The following NCK2 variants were observed in gnomAD, a reference collection of about 807,000 sequenced individuals.
NCK2 encodes the protein NCK adaptor protein 2, also known as cytoplasmic protein NCK2.
In NCK2, 16 loss-of-function variants were observed where a neutral mutation model predicts 33.9. The ratio of observed to expected loss-of-function variants is 0.47; its 90% confidence interval spans 0.32 to 0.72. NCK2 has a LOEUF of 0.72. Among genes scored for constraint, NCK2 ranks in the 30% least tolerant of loss-of-function variants. The pLI, the probability that NCK2 is intolerant of heterozygous loss-of-function variation, is 0.03. For missense variants in NCK2, 418 were observed against 537.3 expected (o/e 0.78, Z 2.19); for synonymous variants, 273 against 239.9 (o/e 1.14, Z -1.27).
chr2:105,753,592 C>G (rs1240808934), intron 1 of NCK2, among the ~76,000 whole-genome samples: 1 of 152,212 alleles, frequency 6.6e-6, no homozygotes, highest in Non-Finnish European at 1.5e-5. Context: ...TGGGTCCCCA[C>G]CCTTGTCTCC....
chr2:105,797,658 C>A (rs1449888024), intron 1 of NCK2, among the ~76,000 whole-genome samples: 1 of 152,128 alleles, frequency 6.6e-6, no homozygotes, highest in Non-Finnish European at 1.5e-5. Flanking sequence ...CAGGAAGTGG[C>A]TGGATTTGCA....
chr2:105,744,865 T>TCGCCGCCGCCGCCGCCGCCGCCGCCGC (rs1170930281), upstream of NCK2: 26 of 153,300 alleles, frequency 1.7e-4, no homozygotes, highest in South Asian at 2.4e-3. Flanking sequence ...CGGGGGAGGG[T>TCGCCGCCGCCGCCGCCGCCGCCGCCGC]CGCCGCCGCC....
intron 1 of NCK2, among the ~76,000 whole-genome samples, chr2:105,771,438 C>T (rs900789952): frequency 6.6e-6 from 1 of 151,828 alleles, no homozygotes; most frequent in Admixed American, 6.6e-5. Context: ...GTGGTGAGGG[C>T]GCCTGTAATC....
At chr2:105,887,294 G>A (rs1422003811) in intron 4 of NCK2, among the ~76,000 whole-genome samples, 1 of 152,236 alleles carries the variant, frequency 6.6e-6, no homozygotes, top group African/African-American at 2.4e-5. Context: ...AACCACTTCT[G>A]TGGACAGAAG....
In NCK2 at chr2:105,815,468, G is replaced by A. The variant is rs570104396; in HGVS notation, c.-200-962G>A. 2.0e-5 allele frequency among the ~76,000 whole-genome samples: 3 copies of A among 152,308 alleles called. No individual in the cohort carries two copies. In the South Asian group the frequency reaches 6.2e-4, roughly 32 times the overall value. On this transcript the variant is annotated intron_variant, in intron 1 of 4. Coordinates refer to ENST00000233154, the MANE Select transcript of NCK2 (RefSeq NM_003581.5). ...AACTGTCAAGACAGATCCCCATTGG[G>A]TTTGAAATGTAATTAAAAATGTCAG... is the stretch of plus-strand genomic sequence containing the variant.
intron 2 of NCK2, among the ~76,000 whole-genome samples, chr2:105,820,842 G>A (rs919718416): frequency 6.6e-6 from 1 of 152,184 alleles, no homozygotes. Flanking sequence ...GGTGTAGTGG[G>A]ATAGGAAGGA....
At chr2:105,748,986 G>T (rs1689372143) in intron 1 of NCK2, among the ~76,000 whole-genome samples, 1 of 152,154 alleles carries the variant, frequency 6.6e-6, no homozygotes, top group African/African-American at 2.4e-5. Flanking sequence ...AATTTGGTCT[G>T]TTGGCCTCTC....
intron 2 of NCK2, chr2:105,853,986 CAA>C (rs1204031624): frequency 1.3e-5 from 2 of 151,974 alleles, no homozygotes; most frequent in Non-Finnish European, 2.9e-5. Context: ...GAGAGTCTTG[CAA>C]AAATTGGGCA....
intron 4 of NCK2, among the ~76,000 whole-genome samples, chr2:105,891,705 C>T (rs1393180617): frequency 1.3e-5 from 2 of 151,948 alleles, no homozygotes; most frequent in East Asian, 3.9e-4. Context: ...TACCACCATG[C>T]CTGGCTAATT....
intron 1 of NCK2, among the ~76,000 whole-genome samples, chr2:105,779,058 G>T (rs911668641): frequency 1.3e-5 from 2 of 152,168 alleles, no homozygotes; most frequent in Admixed American, 1.3e-4. Flanking sequence ...TGTAGTCCCA[G>T]CACTTTGGGA....
chr2:105,875,359 C>G (rs1208296405), intron 3 of NCK2, among the ~76,000 whole-genome samples: 1 of 152,216 alleles, frequency 6.6e-6, no homozygotes, highest in African/African-American at 2.4e-5. Context: ...GGTACGGGGT[C>G]TCCTGCCCCG....
At chr2:105,794,699 A>G (rs1398581336) in intron 1 of NCK2, among the ~76,000 whole-genome samples, 1 of 7,074 alleles carries the variant, frequency 1.4e-4, no homozygotes. Flanking sequence ...TTATTATTTT[A>G]TTTATTTATT....
At chr2:105,779,773 T>C (rs1690427826) in intron 1 of NCK2, among the ~76,000 whole-genome samples, 1 of 152,160 alleles carries the variant, frequency 6.6e-6, no homozygotes, top group African/African-American at 2.4e-5. Flanking sequence ...CACATACATA[T>C]ACATAGTAAT....
intron 2 of NCK2, among the ~76,000 whole-genome samples, chr2:105,832,452 C>T (rs1236100370): frequency 6.6e-6 from 1 of 152,186 alleles, no homozygotes; most frequent in Non-Finnish European, 1.5e-5. Context: ...ATGATGTTAG[C>T]TGTGCATCTG....
intron 4 of NCK2, among the ~76,000 whole-genome samples, chr2:105,886,512 C>G (rs1417923435): frequency 3.9e-5 from 6 of 152,186 alleles, no homozygotes; most frequent in Non-Finnish European, 7.3e-5. Context: ...CCTCTGAGTC[C>G]TTTTTTTGTT....
chr2:105,864,241 G>GT (rs1677661055), intron 3 of NCK2, among the ~76,000 whole-genome samples: 1 of 152,142 alleles, frequency 6.6e-6, no homozygotes, highest in South Asian at 2.1e-4. Context: ...CGACTGGAAG[G>GT]GCCTGAGCCT....
rs983175518 is a variant in NCK2 at position 105,811,976 on chromosome 2, G to A, written c.-200-4454G>A. ...AACTCTAATCAGTCACTTTTCTCCT[G>A]CAAACACCTGCCTTGGCCACTCTTT... is the stretch of plus-strand genomic sequence containing the variant. On this transcript the variant is annotated intron_variant, in intron 1 of 4. Transcript: ENST00000233154. Among the ~76,000 whole-genome samples the A allele has an allele frequency of 4.6e-5, 7 of 152,120 alleles. No homozygotes were observed. In the East Asian group the frequency reaches 1.3e-3, roughly 29 times the overall value.
intron 1 of NCK2, among the ~76,000 whole-genome samples, chr2:105,752,266 A>G (rs1179255936): frequency 6.6e-6 from 1 of 152,188 alleles, no homozygotes; most frequent in Non-Finnish European, 1.5e-5. Flanking sequence ...TAGAATAATT[A>G]TAATGGTCAT....
intron 1 of NCK2, among the ~76,000 whole-genome samples, chr2:105,748,163 T>C (rs768737651): frequency 5.9e-5 from 9 of 152,186 alleles, no homozygotes; most frequent in Non-Finnish European, 1.2e-4. Flanking sequence ...AGTGATGTCA[T>C]ACGGTGTCAC....
Sources: gnomAD v4.1 joint callset for allele counts (sites outside exome capture counted in the v4.1 genomes callset) on GRCh38, gnomAD v4.1.1 for gene constraint, MANE v1.5 for transcripts, NCBI Gene and HGNC (gene_info 2026-07-23, HGNC 2026-07-21) for gene names.